The following UNKL variants were observed in gnomAD, a reference collection of about 807,000 sequenced individuals.
UNKL encodes putative E3 ubiquitin-protein ligase UNKL.
In UNKL, 60 loss-of-function variants were observed where a neutral mutation model predicts 78.0. The observed-to-expected ratio is 0.77, with a 90% CI of 0.63 to 0.95. The LOEUF is 0.95. Among genes scored for constraint, UNKL ranks in the 40% least tolerant of loss-of-function variants. The pLI is 0.00. For missense variants in UNKL, 1,159 were observed against 1,045.7 expected (o/e 1.11, Z -1.49); for synonymous variants, 608 against 474.8 (o/e 1.28, Z -3.65).
At chr16:1,377,456 G>A (rs1323084124) in intron 10 of UNKL, among the ~76,000 whole-genome samples, 2 of 151,938 alleles carry the variant, frequency 1.3e-5, no homozygotes, top group Non-Finnish European at 2.9e-5. Flanking sequence ...GCTGTGCACA[G>A]CCCTCCCTCC....
chr16:1,390,421 G>A (rs1207465120), intron 9 of UNKL, among the ~76,000 whole-genome samples: 1 of 152,196 alleles, frequency 6.6e-6, no homozygotes, highest in Non-Finnish European at 1.5e-5. Flanking sequence ...TAACACGAAC[G>A]TTTCAAACAG....
At chr16:1,382,697 C>T (rs1469395419) in intron 10 of UNKL, among the ~76,000 whole-genome samples, 1 of 152,202 alleles carries the variant, frequency 6.6e-6, no homozygotes, top group Non-Finnish European at 1.5e-5. Context: ...ATGGTTCACA[C>T]CTGTAATCCC....
Position 1,363,877 on chromosome 16 carries a change from C to G in UNKL, c.*2363G>C, listed in dbSNP as rs1176490869. 1 of 152,542 alleles carries G rather than the reference C, an allele frequency of 6.6e-6. No individual in the cohort carries two copies. The highest frequency in any genetic ancestry group is 1.5e-5 in the Non-Finnish European group (1 of 68,318). The allele number at this position is 152,542 out of a possible 1,614,324, so 9.4% of individuals were successfully genotyped here. ...CCTCCATCTCCCAGCTGTCCCCCCA[C>G]CCCTGGGGCTCCCCAGCTCTACCAC... On this transcript the variant is annotated 3_prime_UTR_variant, in exon 15 of 15. Transcript: ENST00000389221.
At chr16:1,396,979 G>A in intron 6 of UNKL, 199 bp downstream of exon 6, 1 of 581,566 alleles carries the variant, frequency 1.7e-6, no homozygotes, top group South Asian at 2.0e-5. Flanking sequence ...CTCGCTGGCT[G>A]AGGGCAGCCC....
intron 10 of UNKL, among the ~76,000 whole-genome samples, chr16:1,383,127 C>T (rs2036666005): frequency 6.7e-6 from 1 of 149,120 alleles, no homozygotes; most frequent in Admixed American, 6.7e-5. Context: ...AAAAAATTAG[C>T]CGGGCGTAGT....
rs200217168 is a variant in UNKL at position 1,401,407 on chromosome 16, CCT to C, written c.598+159_598+160del. 869 of 934,106 alleles carry C rather than the reference CCT, an allele frequency of 9.3e-4. 9 individuals carry two copies. In the East Asian group the frequency reaches 0.017, roughly 18 times the overall value. 57.9% of individuals were successfully genotyped at this position (934,106 alleles called of 1,614,324 possible). On this transcript the variant is annotated intron_variant, in intron 4 of 14. Coordinates refer to ENST00000389221, the MANE Select transcript of UNKL (RefSeq NM_001372107.1). ...CCCAAATCCCACTCGGCACCCACCC[CCT>C]GTTGGGGAGGGCTTGGTATTGGACT...
At position 1,367,132 on chromosome 16, in the gene UNKL, A is replaced by T; in HGVS notation, c.2006T>A (p.Leu669Gln). The T allele has an allele frequency of 1.9e-6, 3 of 1,594,956 alleles. No individual in the cohort carries two copies. The highest frequency in any genetic ancestry group is 2.6e-6 in the Non-Finnish European group (3 of 1,173,608). The part of the protein sequence containing the change: ...GTIPLPKLHS[L>Q]QSQLRLDLEA... ...CAGGTCCAGGCGCAGCTGACTCTGCAGCGAGTGCAGCTTCGGCAGGGGAAT... is the reference window on the plus strand; with the variant it reads ...CAGGTCCAGGCGCAGCTGACTCTGCTGCGAGTGCAGCTTCGGCAGGGGAAT... The change falls in exon 14 of 15, where the codon CTG becomes CAG. Residue 669 changes from leucine (L) to glutamine (Q), a missense_variant. Physicochemically the swap from Leu to Gln is moderately radical, Grantham distance 113. Coordinates refer to ENST00000389221, the MANE Select transcript of UNKL (RefSeq NM_001372107.1).
intron 12 of UNKL, chr16:1,368,262 T>C (rs1048872778): frequency 8.0e-5 from 18 of 224,374 alleles, no homozygotes; most frequent in Admixed American, 6.7e-4. Flanking sequence ...TGACTGCCAA[T>C]GTCTATGCAG....
At chr16:1,371,662 CAGGA>C in intron 10 of UNKL, 51 bp from the exon 11 acceptor site, 3 of 1,521,660 alleles carry the variant, frequency 2.0e-6, no homozygotes, top group Non-Finnish European at 2.6e-6. Flanking sequence ...CTGCAGAGCT[CAGGA>C]AGCCTAGCTG....
At position 1,384,544 on chromosome 16, in the gene UNKL, A is replaced by G. The variant is rs559557039; in HGVS notation, c.1264+664T>C. ...GCCCCCGACTCCAAGCCTTCACTGG[A>G]CTCCCCACCCCATCACTGTCCCCCA... is the stretch of plus-strand genomic sequence containing the variant. On this transcript the variant is annotated intron_variant, in intron 10 of 14. Coordinates refer to ENST00000389221, the MANE Select transcript of UNKL (RefSeq NM_001372107.1). Among the ~76,000 whole-genome samples the G allele has an allele frequency of 1.7e-3, 257 of 147,628 alleles. 3 individuals carry two copies. The highest frequency in any genetic ancestry group is 5.6e-3 in the African/African-American group (222 of 39,652).
intron 10 of UNKL, 109 bp downstream of exon 10, chr16:1,385,099 A>C: frequency 1.1e-6 from 1 of 938,000 alleles, no homozygotes; most frequent in South Asian, 5.2e-5. Context: ...GCTTCTCTAC[A>C]AAAATGACGA....
intron 12 of UNKL, chr16:1,369,905 G>A (rs946607048): frequency 2.9e-5 from 44 of 1,525,210 alleles, no homozygotes; most frequent in Non-Finnish European, 3.9e-5. Flanking sequence ...AACCTGGGAG[G>A]CGGAGGTTGC....
chr16:1,412,779 C>T lies in UNKL; in HGVS notation c.287+1067G>A, dbSNP rs151140342. 8.4e-3 allele frequency among the ~76,000 whole-genome samples: 1,278 copies of T among 152,284 alleles called. 9 individuals are homozygous for T. Among genetic ancestry groups the T allele is most frequent in the African/African-American group, 0.018 (743 of 41,562 alleles). On this transcript the variant is annotated intron_variant, in intron 2 of 14. Coordinates refer to ENST00000389221, the MANE Select transcript of UNKL (RefSeq NM_001372107.1). The stretch of plus-strand genomic sequence containing the variant: ...ACTACAAAACGCTTCAAAACCTGGC[C>T]GGGCGCAGTGGATCATGCCTGGAAT...
At chr16:1,379,477 A>G (rs1028921866) in intron 10 of UNKL, 3 of 984,994 alleles carry the variant, frequency 3.0e-6, no homozygotes, top group Non-Finnish European at 3.6e-6. Context: ...GGCCTCTGAG[A>G]AGCCCGGGCC....
In UNKL at chr16:1,398,401, C is replaced by G. The variant is rs986183539; in HGVS notation, c.734+973G>C. ...ATTTTTATTTTCTTTCCATGACGGG[C>G]GATGACAAAATCTCAGACACTAATT... On this transcript the variant is annotated intron_variant, in intron 5 of 14. Transcript: ENST00000389221. 8 of 1,027,492 alleles carry G rather than the reference C, an allele frequency of 7.8e-6. No homozygotes were observed. The African/African-American group carries it at 1.4e-4, about 18-fold the overall frequency. The allele number at this position is 1,027,492 out of a possible 1,614,324, so 63.6% of individuals were successfully genotyped here. A position where few individuals can be genotyped will look rare whatever the true frequency, so the allele number is the denominator to read the frequency against.
Position 1,387,083 on chromosome 16 carries a change from CATGCAGCACCGGGGACCCTCCCAGCA to C in UNKL, c.1087-1724_1087-1699del, listed in dbSNP as rs1443029310. 8.4e-4 allele frequency among the ~76,000 whole-genome samples: 127 copies of C among 151,848 alleles called. No homozygotes were observed. The highest frequency in any genetic ancestry group is 1.1e-3 in the African/African-American group (47 of 41,420). ...ACCCTACACCGCAGACCCTCCCAGC[CATGCAGCACCGGGGACCCTCCCAGCA>C]ATGCAGCACCGGGGACCCTCCCAGC... On this transcript the variant is annotated intron_variant, in intron 9 of 14. Coordinates refer to ENST00000389221, the MANE Select transcript of UNKL (RefSeq NM_001372107.1). This position sits in a 1 kb window ranked among gnomAD's most constrained non-coding sequence, Gnocchi z 4.1.
Position 1,367,729 on chromosome 16 carries a change from C to A in UNKL, c.1715G>T (p.Arg572Leu), listed in dbSNP as rs776593582. The A allele has an allele frequency of 6.3e-7, 1 of 1,579,110 alleles. No homozygotes were observed. Among genetic ancestry groups the A allele is most frequent in the Middle Eastern group, 1.7e-4 (1 of 6,026 alleles). ...SASPNGAELA[R>L]VRRQLDEAKR... ...GGCCTCGTCCAGCTGCCGCCTGACC[C>A]GGGCCAGCTCAGCTCCGTTTGGACT... Residue 572 changes from arginine (R) to leucine (L), a missense_variant, in exon 13 of 15, where the codon CGG becomes CTG. Transcript: ENST00000389221.
In UNKL at chr16:1,363,958, A is replaced by G. The variant is rs1252532113; in HGVS notation, c.*2282T>C. ...GGGGCGGGCGCCACCTCCTTCCCAG[A>G]AAGAGCAGAGCAGCTGGCAGACTAG... On this transcript the variant is annotated 3_prime_UTR_variant, in exon 15 of 15. Coordinates refer to ENST00000389221, the MANE Select transcript of UNKL (RefSeq NM_001372107.1). 7 of 152,228 alleles carry G rather than the reference A, an allele frequency of 4.6e-5. No homozygotes were observed. Among genetic ancestry groups the G allele is most frequent in the East Asian group, 1.9e-4 (1 of 5,200 alleles). The allele number at this position is 152,228 out of a possible 1,614,324, so 9.4% of individuals were successfully genotyped here.
At chr16:1,396,093 CACT>C (rs1459567353) in intron 6 of UNKL, among the ~76,000 whole-genome samples, 4 of 151,830 alleles carry the variant, frequency 2.6e-5, no homozygotes, top group Admixed American at 6.6e-5. Flanking sequence ...AGGCGCGCAC[CACT>C]ACACCTGGCT....
Sources: allele counts gnomAD v4.1 joint callset (sites outside exome capture counted in the v4.1 genomes callset), GRCh38; gene constraint gnomAD v4.1.1; non-coding constraint Gnocchi (gnomAD v3.1); transcripts MANE v1.5; gene names NCBI Gene and HGNC (gene_info 2026-07-23, HGNC 2026-07-21).